AK2: variants seen among roughly 807,000 people sequenced by gnomAD.
AK2 encodes the protein adenylate kinase 2.
Under a neutral mutation model 24.6 loss-of-function variants are expected in AK2, and 15 were observed. That is an observed-to-expected ratio of 0.61 (90% CI 0.41 to 0.94). The LOEUF (loss-of-function observed/expected upper bound fraction) is 0.94. Among genes scored for constraint, AK2 ranks in the 40% least tolerant of loss-of-function variants. The pLI is 0.00. For missense variants in AK2, 257 were observed against 304.1 expected, an observed-to-expected ratio of 0.85 and a Z score of 1.15; for synonymous variants, 102 against 114.0, an observed-to-expected ratio of 0.90 and a Z score of 0.67.
At chr1:33,036,489 C>T (rs1640586479) in intron 1 of AK2, among the ~76,000 whole-genome samples, 2 of 152,196 alleles carry the variant, frequency 1.3e-5, no homozygotes, top group African/African-American at 2.4e-5. Flanking sequence ...ATTAATCAGC[C>T]CTCACATTCC....
intron 4 of AK2, chr1:33,020,188 AACACACACACACAC>A (rs56098182): frequency 2.0e-4 from 179 of 877,934 alleles, no homozygotes; most frequent in African/African-American, 4.2e-4. Flanking sequence ...AACATGTTAA[AACACACACACACAC>A]ACACACACAC....
At chr1:33,024,192 C>T (rs1356640785) in intron 2 of AK2, 1 of 507,208 alleles carries the variant, frequency 2.0e-6, no homozygotes, top group Non-Finnish European at 3.6e-6. Flanking sequence ...AAAAAATTTC[C>T]TATAATCTGC....
In AK2 at chr1:33,012,673, G is replaced by A; in HGVS notation, c.*508C>T. 1 of 1,259,074 alleles carries A rather than the reference G, an allele frequency of 7.9e-7. No individual in the cohort carries two copies. Among genetic ancestry groups the A allele is most frequent in the South Asian group, 1.2e-5 (1 of 80,140 alleles). The allele number at this position is 1,259,074 out of a possible 1,614,324, so 78.0% of individuals were successfully genotyped here. A position where few individuals can be genotyped will look rare whatever the true frequency, so the allele number is the denominator to read the frequency against. ...GCACTTCAGGAGGCCAAGGTGGGTG[G>A]ATTGCTTAAGCCTAGGAGTTCAAGA... On this transcript the variant is annotated 3_prime_UTR_variant, in exon 6 of 6. Transcript: ENST00000672715.
chr1:33,025,425 C>T (rs1639819317), intron 1 of AK2, among the ~76,000 whole-genome samples: 1 of 152,270 alleles, frequency 6.6e-6, no homozygotes, highest in Non-Finnish European at 1.5e-5. Flanking sequence ...TTTCCTCCTT[C>T]CCTGTCACTA....
chr1:33,036,773 A>G lies in AK2; in HGVS notation c.56T>C (p.Val19Ala). The stretch of plus-strand genomic sequence containing the variant: ...ACCGGCCCCGGGAGGCCCCAGCAGC[A>G]CGGCCCGGATGCCTTTAGGATACTC... ...EPEYPKGIRA[V>A]LLGPPGAGKG... Residue 19 changes from valine to alanine, a missense_variant, in exon 1 of 6, where the codon GTG (valine) becomes GCG (alanine). Transcript: ENST00000672715. 6.3e-7 allele frequency: 1 copy of G among 1,599,584 alleles called. No homozygotes were observed. Among genetic ancestry groups the G allele is most frequent in the Non-Finnish European group, 8.5e-7 (1 of 1,173,526 alleles).
At chr1:33,014,414 G>C in intron 5 of AK2, 108 bp downstream of exon 5, 2 of 860,340 alleles carry the variant, frequency 2.3e-6, no homozygotes, top group Non-Finnish European at 3.9e-6. Flanking sequence ...GACTAAGTTA[G>C]TAATATTGGT....
rs1380616135 is a variant in AK2 at position 33,011,930 on chromosome 1, A to G, written c.*1251T>C. 6.5e-7 allele frequency: 1 copy of G among 1,533,618 alleles called. No individual in the cohort carries two copies. Among genetic ancestry groups the G allele is most frequent in the Non-Finnish European group, 8.7e-7 (1 of 1,146,296 alleles). Reference sequence around the variant, plus strand: ...GAGAGGGTTTGGGCTTAAAAAGAACATATCTGATTTCAGTTTTATGTCCTG... The same window carrying G: ...GAGAGGGTTTGGGCTTAAAAAGAACGTATCTGATTTCAGTTTTATGTCCTG... On this transcript the variant is annotated 3_prime_UTR_variant, in exon 6 of 6. Transcript: ENST00000672715.
intron 1 of AK2, among the ~76,000 whole-genome samples, chr1:33,034,447 G>GAT (rs753401341): frequency 3.1e-4 from 39 of 125,360 alleles, no homozygotes; most frequent in African/African-American, 1.3e-3. Flanking sequence ...GTGGGTGCTT[G>GAT]ATACACACAC....
intron 4 of AK2, among the ~76,000 whole-genome samples, 186 bp from the exon 5 acceptor site, chr1:33,014,780 C>G (rs1033179935): frequency 2.6e-5 from 4 of 152,212 alleles, no homozygotes; most frequent in Non-Finnish European, 5.9e-5. Context: ...AGTATATTTT[C>G]TATTTTGACC....
intron 4 of AK2, chr1:33,020,267 C>A: frequency 1.1e-6 from 1 of 913,100 alleles, no homozygotes; most frequent in South Asian, 1.6e-5. Flanking sequence ...CCTCCATTTT[C>A]TAAACTTTGT....
Position 33,010,961 on chromosome 1 carries a change from A to G in AK2, c.*2220T>C, listed in dbSNP as rs1347633300. ...CACTGGACATTTCTGTGACAGGTAA[A>G]AGCAGAACCTGCTGAGGCTGAGGAA... On this transcript the variant is annotated 3_prime_UTR_variant, in exon 6 of 6. Coordinates refer to ENST00000672715, the MANE Select transcript of AK2 (RefSeq NM_001625.4). 9.0e-6 allele frequency: 14 copies of G among 1,557,664 alleles called. No homozygotes were observed. The highest frequency in any genetic ancestry group is 1.1e-5 in the Non-Finnish European group (13 of 1,150,696).
At chr1:33,018,569 G>T (rs551372440) in intron 4 of AK2, among the ~76,000 whole-genome samples, 1 of 152,198 alleles carries the variant, frequency 6.6e-6, no homozygotes, top group Non-Finnish European at 1.5e-5. Context: ...CCACTCATCT[G>T]TTGGGTAAAC....
chr1:33,009,845 T>C lies in AK2; in HGVS notation c.*3336A>G. On this transcript the variant is annotated 3_prime_UTR_variant, in exon 6 of 6. Transcript: ENST00000672715. ...GCCAGCGACAAGAAAGGGCTTCTTTTCCTTCCAGCCAGGTCCAGAATTCAA... is the reference window on the plus strand; with the variant it reads ...GCCAGCGACAAGAAAGGGCTTCTTTCCCTTCCAGCCAGGTCCAGAATTCAA... 2.2e-6 allele frequency: 1 copy of C among 454,510 alleles called. No individual in the cohort carries two copies. Among genetic ancestry groups the C allele is most frequent in the South Asian group, 1.6e-5 (1 of 64,476 alleles). 28.2% of individuals were successfully genotyped at this position (454,510 alleles called of 1,614,324 possible). A position where few individuals can be genotyped will look rare whatever the true frequency, so the allele number is the denominator to read the frequency against.
At chr1:33,029,530 TA>T (rs1244763140) in intron 1 of AK2, 1 of 151,764 alleles carries the variant, frequency 6.6e-6, no homozygotes, top group Non-Finnish European at 1.5e-5. Flanking sequence ...CTTCCTGCCT[TA>T]GTCTCCCAGG....
Position 33,021,438 on chromosome 1 carries a change from C to CAAA in AK2, c.353_354insTTT (p.Arg118delinsSerLeu). On this transcript the variant is annotated protein_altering_variant, in exon 4 of 6. Coordinates refer to ENST00000672715, the MANE Select transcript of AK2 (RefSeq NM_001625.4). ...CAATCACAGAATCAAGCTTCTCTTT[C>CAAA]CTCTTCTCCATGAGGTCATCGAGCT... 1 of 1,614,142 alleles carries CAAA rather than the reference C, an allele frequency of 6.2e-7. No individual in the cohort carries two copies. Among genetic ancestry groups the CAAA allele is most frequent in the Non-Finnish European group, 8.5e-7 (1 of 1,180,022 alleles).
Position 33,012,002 on chromosome 1 carries a change from A to C in AK2, c.*1179T>G. ...AATACTGATCAAAATGAATCCAAGA[A>C]TAGATCACACACTGTTTTGTTCACA... is the stretch of plus-strand genomic sequence containing the variant. On this transcript the variant is annotated 3_prime_UTR_variant, in exon 6 of 6. Transcript: ENST00000672715. 6.5e-7 allele frequency: 1 copy of C among 1,535,364 alleles called. No individual in the cohort carries two copies. Among genetic ancestry groups the C allele is most frequent in the Non-Finnish European group, 8.7e-7 (1 of 1,146,686 alleles).
At chr1:33,026,932 C>T (rs1159027483) in intron 1 of AK2, among the ~76,000 whole-genome samples, 1 of 152,016 alleles carries the variant, frequency 6.6e-6, no homozygotes, top group African/African-American at 2.4e-5. Flanking sequence ...TCGAGACTAG[C>T]CTGGCCAACA....
chr1:33,009,560 C>T lies in AK2; in HGVS notation c.*3621G>A. Reference sequence around the variant, plus strand: ...CAGGTACTGAGCAAAAACCTTCTTCCTATAAATTTCATTTAATGCCATTAA... The same window carrying T: ...CAGGTACTGAGCAAAAACCTTCTTCTTATAAATTTCATTTAATGCCATTAA... On this transcript the variant is annotated 3_prime_UTR_variant, in exon 6 of 6. Coordinates refer to ENST00000672715, the MANE Select transcript of AK2 (RefSeq NM_001625.4). 2.2e-6 allele frequency: 1 copy of T among 454,108 alleles called. No individual in the cohort carries two copies. The highest frequency in any genetic ancestry group is 4.4e-6 in the Non-Finnish European group (1 of 226,782). The allele number at this position is 454,108 out of a possible 1,614,324, so 28.1% of individuals were successfully genotyped here.
Position 33,012,851 on chromosome 1 carries a change from T to C in AK2, c.*330A>G. ...AGGCAGAGGTTGCCGTGAGCCAAGA[T>C]CACGCCACTGCACTCCAGCCAGGGT... is the stretch of plus-strand genomic sequence containing the variant. On this transcript the variant is annotated 3_prime_UTR_variant, in exon 6 of 6. Coordinates refer to ENST00000672715, the MANE Select transcript of AK2 (RefSeq NM_001625.4). 7.7e-7 allele frequency: 1 copy of C among 1,294,704 alleles called. No individual in the cohort carries two copies. Among genetic ancestry groups the C allele is most frequent in the East Asian group, 5.1e-5 (1 of 19,692 alleles). The allele number at this position is 1,294,704 out of a possible 1,614,324, so 80.2% of individuals were successfully genotyped here.
Sources: allele counts gnomAD v4.1 joint callset (sites outside exome capture counted in the v4.1 genomes callset), GRCh38; gene constraint gnomAD v4.1.1; transcripts MANE v1.5; gene names NCBI Gene and HGNC (gene_info 2026-07-23, HGNC 2026-07-21).